The following PPP6R3 variants were observed in gnomAD, a reference collection of about 807,000 sequenced individuals.
PPP6R3 encodes protein phosphatase 6 regulatory subunit 3.
In PPP6R3, 38 loss-of-function variants were observed where a neutral mutation model predicts 110.7. The ratio of observed to expected loss-of-function variants is 0.34; its 90% CI spans 0.26 to 0.45. PPP6R3 has a LOEUF of 0.45. Ranked by LOEUF, PPP6R3 falls within the 20% of genes least tolerant of loss-of-function variation. PPP6R3 has a pLI of 1.00. For missense variants in PPP6R3, 870 were observed against 1,062.4 expected, an observed-to-expected ratio of 0.82 and a Z score of 2.52; for synonymous variants, 369 against 373.5, an observed-to-expected ratio of 0.99 and a Z score of 0.14.
chr11:68,460,918 G>A (rs1353806372), intron 1 of PPP6R3, 91 bp downstream of exon 1: 3 of 151,422 alleles, frequency 2.0e-5, no homozygotes, highest in Non-Finnish European at 2.9e-5. Flanking sequence ...CCTGGCCTCA[G>A]CGGCTCAGGG....
intron 1 of PPP6R3, among the ~76,000 whole-genome samples, chr11:68,492,256 A>G (rs1216333125): frequency 1.3e-5 from 2 of 152,238 alleles, no homozygotes; most frequent in East Asian, 3.9e-4. Context: ...TCCTGGGCTC[A>G]AGGGATCTTC....
At chr11:68,569,717 C>G in intron 10 of PPP6R3, 31 bp from the exon 11 acceptor site, 1 of 1,523,030 alleles carries the variant, frequency 6.6e-7, no homozygotes, top group Non-Finnish European at 8.9e-7. Flanking sequence ...ATTGAGGTAA[C>G]CGAATAAAAC....
At chr11:68,573,140 ATATATATATATAT>A (rs1450942411) in intron 12 of PPP6R3, among the ~76,000 whole-genome samples, 4 of 97,586 alleles carry the variant, frequency 4.1e-5, no homozygotes, top group African/African-American at 1.6e-4. Context: ...ATATATATAT[ATATATATATATAT>A]AATTTTTTTT....
chr11:68,554,404 T>C, intron 7 of PPP6R3, 147 bp downstream of exon 7: 2 of 523,418 alleles, frequency 3.8e-6, no homozygotes, highest in East Asian at 6.5e-5. Flanking sequence ...GGAAACCTGC[T>C]TCTTTTATCT....
At chr11:68,529,391 G>C (rs982858243) in intron 2 of PPP6R3, among the ~76,000 whole-genome samples, 4 of 152,110 alleles carry the variant, frequency 2.6e-5, no homozygotes, top group African/African-American at 9.7e-5. Flanking sequence ...GCTAATTTTT[G>C]TATTTTTAGT....
intron 1 of PPP6R3, among the ~76,000 whole-genome samples, chr11:68,490,892 T>C (rs1412724423): frequency 6.6e-6 from 1 of 152,208 alleles, no homozygotes; most frequent in Non-Finnish European, 1.5e-5. Context: ...ATATTAATCG[T>C]GTTTTTTACA....
intron 3 of PPP6R3, among the ~76,000 whole-genome samples, chr11:68,544,061 T>C (rs1280851124): frequency 6.6e-6 from 1 of 152,190 alleles, no homozygotes; most frequent in African/African-American, 2.4e-5. Flanking sequence ...TGTGCTGATA[T>C]CCAGATACTG....
At position 68,467,919 on chromosome 11, in the gene PPP6R3, C is replaced by T. The variant is rs1226054961; in HGVS notation, c.-158+7092C>T. On this transcript the variant is annotated intron_variant, in intron 1 of 23. Coordinates refer to ENST00000393800, the MANE Select transcript of PPP6R3 (RefSeq NM_001164161.2). ...CCTCCCGAGTAGCTGGGACTACAGG[C>T]GTGTGCCATCACACCCAGCTAATTT... Among the ~76,000 whole-genome samples the T allele has an allele frequency of 5.9e-5, 9 of 152,256 alleles. No individual in the cohort carries two copies. The East Asian group carries it at 1.2e-3, about 20-fold the overall frequency.
chr11:68,519,239 C>T (rs2099152031), intron 1 of PPP6R3, among the ~76,000 whole-genome samples: 1 of 152,108 alleles, frequency 6.6e-6, no homozygotes. Context: ...TTTTCTTCTT[C>T]ACTCATTGAT....
At chr11:68,567,559 AATTG>A (rs1185929406) in intron 10 of PPP6R3, among the ~76,000 whole-genome samples, 1 of 152,082 alleles carries the variant, frequency 6.6e-6, no homozygotes, top group African/African-American at 2.4e-5. Flanking sequence ...ATATGGTCTT[AATTG>A]ATTTGAGTCT....
intron 2 of PPP6R3, among the ~76,000 whole-genome samples, chr11:68,529,215 G>GGT (rs142081470): frequency 1.6e-3 from 236 of 151,334 alleles, no homozygotes; most frequent in African/African-American, 5.1e-3. Context: ...CCTGTTTTTG[G>GGT]GTGTGTGTGT....
At chr11:68,482,761 T>A (rs2153388185) in intron 1 of PPP6R3, among the ~76,000 whole-genome samples, 1 of 152,308 alleles carries the variant, frequency 6.6e-6, no homozygotes, top group African/African-American at 2.4e-5. Flanking sequence ...CAAATCCTTT[T>A]CCATCTTCTG....
At chr11:68,468,151 T>G (rs756798231) in intron 1 of PPP6R3, among the ~76,000 whole-genome samples, 1 of 152,240 alleles carries the variant, frequency 6.6e-6, no homozygotes, top group Admixed American at 6.5e-5. Context: ...GCCCCGGTGA[T>G]TCCATAGGAT....
intron 1 of PPP6R3, among the ~76,000 whole-genome samples, chr11:68,478,032 C>T (rs1277677494): frequency 2.0e-5 from 3 of 151,656 alleles, no homozygotes; most frequent in South Asian, 2.1e-4. Flanking sequence ...TCACTGCAAC[C>T]TCTGCCTTCC....
intron 8 of PPP6R3, among the ~76,000 whole-genome samples, chr11:68,561,425 T>C (rs2099419505): frequency 6.6e-6 from 1 of 152,112 alleles, no homozygotes; most frequent in South Asian, 2.1e-4. Context: ...TTCCAGTTAA[T>C]TGAGTCAGTG....
At chr11:68,602,029 C>T in intron 21 of PPP6R3, 60 bp downstream of exon 21, 3 of 1,367,780 alleles carry the variant, frequency 2.2e-6, no homozygotes, top group Non-Finnish European at 2.0e-6. Flanking sequence ...TCAAACCAGA[C>T]CTGATTCTCA....
Position 68,575,978 on chromosome 11 carries a change from G to C in PPP6R3, c.1480G>C (p.Glu494Gln). Reference sequence around the variant, plus strand: ...TGAAGATCTTCCCGACGAAGTCAGGGAACGATGGGAGACGTTCTGCACAAG... The same window carrying C: ...TGAAGATCTTCCCGACGAAGTCAGGCAACGATGGGAGACGTTCTGCACAAG... The part of the protein sequence containing the change: ...LIKDLPDEVR[E>Q]RWETFCTSSL... The change falls in exon 14 of 24, where the codon GAA becomes CAA. Residue 494 changes from glutamate to glutamine, a missense_variant. Physicochemically the swap from Glu to Gln is conservative, Grantham distance 29. Transcript: ENST00000393800. The C allele has an allele frequency of 1.2e-6, 2 of 1,611,878 alleles. No homozygotes were observed. The highest frequency in any genetic ancestry group is 1.7e-6 in the Non-Finnish European group (2 of 1,178,566).
intron 2 of PPP6R3, among the ~76,000 whole-genome samples, chr11:68,530,519 A>G (rs2099232439): frequency 6.6e-6 from 1 of 152,258 alleles, no homozygotes; most frequent in South Asian, 2.1e-4. Flanking sequence ...AACTTCTACT[A>G]GAAATATCTT....
chr11:68,550,822 A>G (rs907067898), intron 5 of PPP6R3, among the ~76,000 whole-genome samples: 8 of 152,218 alleles, frequency 5.3e-5, no homozygotes, highest in African/African-American at 1.9e-4. Context: ...ACTAACCTAC[A>G]AACCCTTTTA....
Sources: allele counts gnomAD v4.1 joint callset (sites outside exome capture counted in the v4.1 genomes callset), GRCh38; gene constraint gnomAD v4.1.1; transcripts MANE v1.5; gene names NCBI Gene and HGNC (gene_info 2026-07-23, HGNC 2026-07-21).